IRF2: variants seen among roughly 807,000 people sequenced by gnomAD.
IRF2 encodes interferon regulatory factor 2.
Under a neutral mutation model 40.6 loss-of-function variants are expected in IRF2, and 15 were observed. The ratio of observed to expected loss-of-function variants is 0.37; its 90% CI spans 0.25 to 0.57. The LOEUF (loss-of-function observed/expected upper bound fraction) is 0.57, where lower values mean the gene tolerates loss of function less well. Among genes scored for constraint, IRF2 ranks in the 20% least tolerant of loss-of-function variants. The pLI is 0.77. For missense variants in IRF2, 317 were observed against 455.7 expected, an observed-to-expected ratio of 0.70 and a Z score of 2.77; for synonymous variants, 151 against 165.5, an observed-to-expected ratio of 0.91 and a Z score of 0.67.
At chr4:184,435,011 T>C (rs1738026791) in intron 1 of IRF2, among the ~76,000 whole-genome samples, 1 of 152,194 alleles carries the variant, frequency 6.6e-6, no homozygotes, top group South Asian at 2.1e-4. Context: ...ATCACACCAC[T>C]GCATTCCAGC....
chr4:184,398,871 G>A (rs755491625), intron 7 of IRF2, 44 bp downstream of exon 7: 35 of 1,540,672 alleles, frequency 2.3e-5, no homozygotes, highest in East Asian at 1.1e-4. Flanking sequence ...AAAGGACTGC[G>A]CGGCCGGTTC....
Position 184,474,061 on chromosome 4 carries a change from T to A in IRF2, c.-7+318A>T, listed in dbSNP as rs1329087704. The A allele has an allele frequency of 6.5e-6, 1 of 153,204 alleles. No individual in the cohort carries two copies. Among genetic ancestry groups the A allele is most frequent in the Non-Finnish European group, 1.5e-5 (1 of 68,842 alleles). The allele number at this position is 153,204 out of a possible 1,614,324, so 9.5% of individuals were successfully genotyped here. ...CTCTCCGCATCTGCAAATCCAAAAG[T>A]GAAATTAAACCTCCACCAACCTCCT... is the stretch of plus-strand genomic sequence containing the variant. On this transcript the variant is annotated intron_variant, in intron 1 of 8. Transcript: ENST00000393593. This position sits in a 1 kb window ranked among gnomAD's most constrained non-coding sequence, Gnocchi z 5.6.
At chr4:184,425,273 T>G (rs555355082) in intron 2 of IRF2, among the ~76,000 whole-genome samples, 1 of 152,350 alleles carries the variant, frequency 6.6e-6, no homozygotes, top group East Asian at 1.9e-4. Context: ...AACATTAGGC[T>G]CTCAGTTAAG....
At chr4:184,412,279 C>T (rs1348463338) in intron 5 of IRF2, among the ~76,000 whole-genome samples, 1 of 152,090 alleles carries the variant, frequency 6.6e-6, no homozygotes, top group East Asian at 1.9e-4. Context: ...CTTCTTTAGA[C>T]CTGTAAAATA....
chr4:184,422,872 G>C (rs988720074), intron 2 of IRF2, among the ~76,000 whole-genome samples: 2 of 152,122 alleles, frequency 1.3e-5, no homozygotes, highest in Admixed American at 1.3e-4. Flanking sequence ...AAAAGTTCTG[G>C]AACTGGACAG....
At chr4:184,437,549 C>T (rs1180618671) in intron 1 of IRF2, among the ~76,000 whole-genome samples, 1 of 151,778 alleles carries the variant, frequency 6.6e-6, no homozygotes, top group Non-Finnish European at 1.5e-5. Flanking sequence ...AAGGCAGCCC[C>T]CACAAAAAAT....
intron 8 of IRF2, 124 bp from the exon 9 acceptor site, chr4:184,389,190 C>G (rs1490638162): frequency 4.6e-5 from 42 of 910,436 alleles, no homozygotes; most frequent in Non-Finnish European, 6.0e-5. Context: ...GAGGCTGAGG[C>G]TGGAGGATCA....
chr4:184,408,605 G>A lies in IRF2; in HGVS notation c.412-330C>T, dbSNP rs1401661401. The stretch of plus-strand genomic sequence containing the variant: ...TTGTCTCTGTAAAATGCTGCACTGC[G>A]TGGATTCTACACTCTCCTCCTCTGA... On this transcript the variant is annotated intron_variant, in intron 5 of 8. Coordinates refer to ENST00000393593, the MANE Select transcript of IRF2 (RefSeq NM_002199.4). The surrounding 1 kb of genome is among the most constrained non-coding windows in gnomAD (Gnocchi z 4.9). Among the ~76,000 whole-genome samples, 5 of 152,170 alleles carry A rather than the reference G, an allele frequency of 3.3e-5. No individual in the cohort carries two copies. Among genetic ancestry groups the A allele is most frequent in the South Asian group, 2.1e-4 (1 of 4,828 alleles).
At chr4:184,419,619 GC>G in intron 2 of IRF2, 51 bp from the exon 3 acceptor site, 1 of 1,278,018 alleles carries the variant, frequency 7.8e-7, no homozygotes, top group Non-Finnish European at 1.1e-6. Context: ...ATGGGTTTTG[GC>G]CCACCATTGC....
intron 8 of IRF2, 147 bp from the exon 9 acceptor site, chr4:184,389,213 A>G (rs952471706): frequency 1.3e-6 from 1 of 750,308 alleles, no homozygotes; most frequent in Non-Finnish European, 2.2e-6. Flanking sequence ...TAACCTCAGG[A>G]GTTTGAGACC....
chr4:184,398,391 T>C (rs1194135400), intron 7 of IRF2, among the ~76,000 whole-genome samples: 1 of 152,158 alleles, frequency 6.6e-6, no homozygotes, highest in East Asian at 1.9e-4. Flanking sequence ...GCACTGTGGG[T>C]CACACCTGTA....
chr4:184,399,368 G>A (rs762988795), intron 6 of IRF2, among the ~76,000 whole-genome samples: 10 of 152,198 alleles, frequency 6.6e-5, no homozygotes, highest in East Asian at 1.9e-4. Flanking sequence ...AGTCAACCCC[G>A]TCACAGCCGA....
intron 2 of IRF2, among the ~76,000 whole-genome samples, chr4:184,425,974 C>A (rs377279851): frequency 1.7e-5 from 2 of 114,288 alleles, no homozygotes; most frequent in South Asian, 3.4e-4. Flanking sequence ...GGGCTCACTC[C>A]GGTTTTTGTT....
chr4:184,466,805 C>T (rs184387039), intron 1 of IRF2, among the ~76,000 whole-genome samples: 1 of 152,344 alleles, frequency 6.6e-6, no homozygotes, highest in African/African-American at 2.4e-5. Flanking sequence ...TAACCTCCTA[C>T]ACACCCAGGT....
At chr4:184,464,203 CATGAAGATGGGGACTATATAGGAT>C (rs1197994133) in intron 1 of IRF2, among the ~76,000 whole-genome samples, 2 of 151,664 alleles carry the variant, frequency 1.3e-5, no homozygotes, top group Non-Finnish European at 2.9e-5. Flanking sequence ...ATGTACAGGA[CATGAAGATGGGGACTATATAGGAT>C]ATGAAGATGG....
At chr4:184,465,687 A>G (rs1476608315) in intron 1 of IRF2, among the ~76,000 whole-genome samples, 1 of 152,240 alleles carries the variant, frequency 6.6e-6, no homozygotes, top group Non-Finnish European at 1.5e-5. Context: ...CACGAGCTTT[A>G]TAAGCTACCT....
At position 184,448,774 on chromosome 4, in the gene IRF2, C is replaced by G. The variant is rs567448514; in HGVS notation, c.-6-19704G>C. On this transcript the variant is annotated intron_variant, in intron 1 of 8. Coordinates refer to ENST00000393593, the MANE Select transcript of IRF2 (RefSeq NM_002199.4). The surrounding 1 kb of genome is among the most constrained non-coding windows in gnomAD (Gnocchi z 4.3). ...CTGCAGGACACTTCAGGGTTCCCAGCGCCCCAAATCTGGCATTCCCAGAAT... is the reference window on the plus strand; with the variant it reads ...CTGCAGGACACTTCAGGGTTCCCAGGGCCCCAAATCTGGCATTCCCAGAAT... The G allele has an allele frequency of 3.5e-4, 54 of 152,180 alleles. No homozygotes were observed. Among genetic ancestry groups the G allele is most frequent in the African/African-American group, 1.3e-3 (53 of 41,420 alleles). 9.4% of individuals were successfully genotyped at this position (152,180 alleles called of 1,614,324 possible). A position where few individuals can be genotyped will look rare whatever the true frequency, so the allele number is the denominator to read the frequency against.
chr4:184,472,576 T>C (rs1237242529), intron 1 of IRF2: 2 of 152,006 alleles, frequency 1.3e-5, no homozygotes, highest in Non-Finnish European at 2.9e-5. Context: ...GGCCGGTGGC[T>C]GAAGACGAAT....
Position 184,428,960 on chromosome 4 carries a change from C to T in IRF2, c.87+18G>A. ...GCCAGGACCTCTCTCACACATACAC[C>T]CACCCTGACCCACTCACCTTGTTAA... On this transcript the variant is annotated intron_variant, in intron 2 of 8. Coordinates refer to ENST00000393593, the MANE Select transcript of IRF2 (RefSeq NM_002199.4). 6.2e-7 allele frequency: 1 copy of T among 1,605,286 alleles called. No homozygotes were observed. Among genetic ancestry groups the T allele is most frequent in the East Asian group, 2.2e-5 (1 of 44,840 alleles).
Sources: allele counts gnomAD v4.1 joint callset (sites outside exome capture counted in the v4.1 genomes callset), GRCh38; gene constraint gnomAD v4.1.1; non-coding constraint Gnocchi (gnomAD v3.1); transcripts MANE v1.5; gene names NCBI Gene and HGNC (gene_info 2026-07-23, HGNC 2026-07-21).